The following DCDC1 variants were observed in gnomAD, a reference collection of about 807,000 sequenced individuals.
DCDC1 encodes doublecortin domain containing 1.
Under a neutral mutation model 178.3 loss-of-function variants are expected in DCDC1, and 200 were observed. The ratio of observed to expected loss-of-function variants is 1.12; its 90% confidence interval spans 1.00 to 1.26. The LOEUF is 1.26. Ranked by LOEUF, DCDC1 falls within the 50% of genes most tolerant of loss-of-function variation. The pLI is 0.00. For synonymous variants in DCDC1, 690 were observed against 604.8 expected (o/e 1.14, Z -2.07); for missense variants, 1,983 against 1,749.2 (o/e 1.13, Z -2.38).
At chr11:30,873,356 T>TAGAGAGAG (rs1392683202) in intron 38 of DCDC1, among the ~76,000 whole-genome samples, 23 of 138,698 alleles carry the variant, frequency 1.7e-4, no homozygotes, top group African/African-American at 5.8e-4. Context: ...TATATATATA[T>TAGAGAGAG]ATATATATAG....
intron 36 of DCDC1, among the ~76,000 whole-genome samples, chr11:30,890,248 A>C (rs181940666): frequency 6.6e-6 from 1 of 152,358 alleles, no homozygotes; most frequent in Non-Finnish European, 1.5e-5. Flanking sequence ...ACATATGTAT[A>C]TGGGGTCTAT....
intron 11 of DCDC1, among the ~76,000 whole-genome samples, chr11:31,112,486 G>A (rs1959195220): frequency 6.6e-6 from 1 of 152,048 alleles, no homozygotes; most frequent in African/African-American, 2.4e-5. Flanking sequence ...CTTCCCAGTG[G>A]CTCTCTGCAT....
At chr11:31,245,668 A>C (rs1422930900) in intron 8 of DCDC1, among the ~76,000 whole-genome samples, 4 of 151,862 alleles carry the variant, frequency 2.6e-5, no homozygotes, top group Non-Finnish European at 4.4e-5. Flanking sequence ...AAGTCCTTGG[A>C]AAACTCTTAT....
rs1973648770 is a variant in DCDC1 at position 31,216,895 on chromosome 11, C to T, written c.1221+24555G>A. Among the ~76,000 whole-genome samples, 3 of 152,220 alleles carry T rather than the reference C, an allele frequency of 2.0e-5. No individual in the cohort carries two copies. In the South Asian group the frequency reaches 6.2e-4, roughly 32 times the overall value. On this transcript the variant is annotated intron_variant, in intron 9 of 38. Coordinates refer to ENST00000684477, the MANE Select transcript of DCDC1 (RefSeq NM_001387274.1). ...CCAGAGTAGTCTACAAAGCATAAAT[C>T]AGTTCCTCTCATCCCTCAATGTTTG...
intron 20 of DCDC1, among the ~76,000 whole-genome samples, chr11:30,994,740 T>C (rs889360462): frequency 1.4e-5 from 2 of 143,444 alleles, no homozygotes; most frequent in African/African-American, 5.2e-5. Context: ...TATATATTTA[T>C]TTAATAAATA....
chr11:30,998,039 A>G (rs1487527913), intron 20 of DCDC1, among the ~76,000 whole-genome samples: 1 of 152,168 alleles, frequency 6.6e-6, no homozygotes. Context: ...CATGTCTGTA[A>G]TGCCAGCACT....
At chr11:31,322,742 G>T (rs2137795385) in intron 3 of DCDC1, among the ~76,000 whole-genome samples, 1 of 152,278 alleles carries the variant, frequency 6.6e-6, no homozygotes, top group East Asian at 1.9e-4. Flanking sequence ...CAGACTTTTT[G>T]ATAACACTGC....
intron 7 of DCDC1, among the ~76,000 whole-genome samples, chr11:31,274,396 G>A (rs890147817): frequency 6.6e-6 from 1 of 152,136 alleles, no homozygotes; most frequent in African/African-American, 2.4e-5. Context: ...TTTTAGTCTA[G>A]TGCTGGATAA....
intron 3 of DCDC1, among the ~76,000 whole-genome samples, chr11:31,327,503 T>A (rs1316067300): frequency 6.6e-6 from 1 of 152,106 alleles, no homozygotes; most frequent in Non-Finnish European, 1.5e-5. Context: ...ATTGATATAA[T>A]GCAGGTTAAG....
chr11:30,996,486 T>C (rs1226451585), intron 20 of DCDC1, among the ~76,000 whole-genome samples: 1 of 152,122 alleles, frequency 6.6e-6, no homozygotes, highest in Admixed American at 6.5e-5. Flanking sequence ...TTGGGAAGTG[T>C]GACCTTTGGT....
At chr11:31,245,810 A>G (rs1943514648) in intron 8 of DCDC1, among the ~76,000 whole-genome samples, 1 of 151,946 alleles carries the variant, frequency 6.6e-6, no homozygotes, top group African/African-American at 2.4e-5. Flanking sequence ...ATTTCTTCTA[A>G]GAACCCCAAA....
At chr11:31,144,294 C>G (rs1964184942) in intron 9 of DCDC1, among the ~76,000 whole-genome samples, 2 of 151,854 alleles carry the variant, frequency 1.3e-5, no homozygotes, top group African/African-American at 4.8e-5. Flanking sequence ...GCCACCACGC[C>G]TGGCTAATAT....
intron 7 of DCDC1, among the ~76,000 whole-genome samples, chr11:31,266,733 T>C (rs1442221509): frequency 6.6e-6 from 1 of 152,218 alleles, no homozygotes; most frequent in East Asian, 1.9e-4. Flanking sequence ...TACTTTATTA[T>C]TGGAGCCCAT....
intron 1 of DCDC1, among the ~76,000 whole-genome samples, chr11:31,344,985 A>G (rs989763626): frequency 6.6e-6 from 1 of 152,144 alleles, no homozygotes; most frequent in Admixed American, 6.5e-5. Flanking sequence ...TCCCCAACCT[A>G]TATTATCAAC....
At chr11:31,195,503 CG>C (rs2136385427) in intron 9 of DCDC1, among the ~76,000 whole-genome samples, 1 of 152,108 alleles carries the variant, frequency 6.6e-6, no homozygotes, top group South Asian at 2.1e-4. Flanking sequence ...TGAAGTTGTA[CG>C]GAGAGATATA....
At chr11:30,942,979 C>T (rs573922181) in intron 21 of DCDC1, among the ~76,000 whole-genome samples, 10 of 152,172 alleles carry the variant, frequency 6.6e-5, no homozygotes, top group African/African-American at 4.8e-5. Context: ...AGAAATAAGG[C>T]GTTGGGATAA....
intron 27 of DCDC1, 58 bp from the exon 28 acceptor site, chr11:30,911,478 C>T: frequency 7.5e-7 from 1 of 1,337,238 alleles, no homozygotes; most frequent in Non-Finnish European, 1.1e-6. Context: ...AGATCTCCCT[C>T]TGTGCCACTT....
At chr11:31,249,090 C>T (rs1351346675) in intron 8 of DCDC1, among the ~76,000 whole-genome samples, 1 of 151,938 alleles carries the variant, frequency 6.6e-6, no homozygotes, top group African/African-American at 2.4e-5. Flanking sequence ...GACAGAAAGA[C>T]AAACTTAAGG....
chr11:31,004,681 C>CAAAAA (rs201483189), intron 20 of DCDC1, among the ~76,000 whole-genome samples: 4 of 72,494 alleles, frequency 5.5e-5, no homozygotes, highest in Non-Finnish European at 9.1e-5. Context: ...CACTCTGTCT[C>CAAAAA]AAAAAAAAAA....
Sources: allele counts gnomAD v4.1 joint callset (sites outside exome capture counted in the v4.1 genomes callset), GRCh38; gene constraint gnomAD v4.1.1; transcripts MANE v1.5; gene names NCBI Gene and HGNC (gene_info 2026-07-23, HGNC 2026-07-21).